Variants in PARD3B observed in about 807,000 individuals in gnomAD.
PARD3B encodes the protein partitioning defective 3 homolog B.
PARD3B carries 103 observed loss-of-function variants against 130.2 expected under a neutral mutation model. That is an observed-to-expected ratio of 0.79 (90% CI 0.67 to 0.93). The LOEUF (loss-of-function observed/expected upper bound fraction) is 0.93, where lower values mean the gene tolerates loss of function less well. Among genes scored for constraint, PARD3B ranks in the 40% least tolerant of loss-of-function variants. The pLI is 0.00. For missense variants in PARD3B, 1,609 were observed against 1,499.2 expected, an observed-to-expected ratio of 1.07 and a Z score of -1.21; for synonymous variants, 583 against 553.2, an observed-to-expected ratio of 1.05 and a Z score of -0.76.
Position 205,183,571 on chromosome 2 carries a change from C to G in PARD3B, c.1925-2193C>G. ...GGCGCTGCCTTTGTGCTTCTTTCCC[C>G]CTGGTCACCTACTTAGCAGGTCTGC... is the stretch of plus-strand genomic sequence containing the variant. On this transcript the variant is annotated intron_variant, in intron 13 of 22. Coordinates refer to ENST00000406610, the MANE Select transcript of PARD3B (RefSeq NM_001302769.2). The surrounding 1 kb of genome is among the most constrained non-coding windows in gnomAD (Gnocchi z 5.2). Among the ~76,000 whole-genome samples the G allele has an allele frequency of 6.6e-6, 1 of 152,126 alleles. No homozygotes were observed. Among genetic ancestry groups the G allele is most frequent in the South Asian group, 2.1e-4 (1 of 4,832 alleles).
intron 2 of PARD3B, among the ~76,000 whole-genome samples, chr2:204,868,108 GGTGAAGGGTCTAT>G (rs2045495558): frequency 6.6e-6 from 1 of 152,134 alleles, no homozygotes; most frequent in East Asian, 1.9e-4. Context: ...CTTCTGGGGT[GGTGAAGGGTCTAT>G]GTGAATGACT....
chr2:205,117,549 G>A (rs1053232239), intron 6 of PARD3B, among the ~76,000 whole-genome samples: 2 of 152,226 alleles, frequency 1.3e-5, no homozygotes, highest in Non-Finnish European at 2.9e-5. Context: ...TTGCATTGTA[G>A]ATTCCCCTTT....
chr2:205,059,942 A>G (rs1699967766), intron 4 of PARD3B, among the ~76,000 whole-genome samples: 1 of 152,090 alleles, frequency 6.6e-6, no homozygotes, highest in African/African-American at 2.4e-5. Context: ...ATATTATTTC[A>G]TCCCATGAAC....
chr2:205,466,816 G>A (rs551187057), intron 20 of PARD3B, among the ~76,000 whole-genome samples: 3 of 152,144 alleles, frequency 2.0e-5, no homozygotes, highest in Non-Finnish European at 2.9e-5. Flanking sequence ...AGGTTCAAGC[G>A]ATTCTTCTGC....
intron 4 of PARD3B, among the ~76,000 whole-genome samples, chr2:205,081,758 G>A (rs894749085): frequency 2.0e-5 from 3 of 152,002 alleles, no homozygotes; most frequent in African/African-American, 7.2e-5. Context: ...ATTATCTTTT[G>A]TATATATTGC....
intron 2 of PARD3B, among the ~76,000 whole-genome samples, chr2:204,791,940 G>A (rs1437253325): frequency 6.6e-6 from 1 of 152,172 alleles, no homozygotes; most frequent in Non-Finnish European, 1.5e-5. Flanking sequence ...ATGTGGATGT[G>A]TTTAAAAGTT....
intron 2 of PARD3B, among the ~76,000 whole-genome samples, chr2:204,710,232 T>C (rs984974440): frequency 2.6e-5 from 4 of 152,158 alleles, no homozygotes; most frequent in Admixed American, 2.6e-4. Flanking sequence ...TAATTCAAGC[T>C]CTTGCAGGTC....
intron 2 of PARD3B, among the ~76,000 whole-genome samples, chr2:204,961,962 A>C (rs1690783336): frequency 6.6e-6 from 1 of 152,108 alleles, no homozygotes; most frequent in Non-Finnish European, 1.5e-5. Flanking sequence ...AGCACTTTCA[A>C]ATTTTTGCTT....
At chr2:205,036,242 T>A (rs990145515) in intron 3 of PARD3B, among the ~76,000 whole-genome samples, 3 of 145,014 alleles carry the variant, frequency 2.1e-5, no homozygotes, top group African/African-American at 5.0e-5. Flanking sequence ...GCTATATATA[T>A]AAATATATGT....
chr2:205,178,157 A>C (rs892924918), intron 13 of PARD3B, among the ~76,000 whole-genome samples: 1 of 146,942 alleles, frequency 6.8e-6, no homozygotes, highest in Non-Finnish European at 1.5e-5. Flanking sequence ...AAAAAAAAAA[A>C]AAAAAAAAAA....
chr2:205,613,375 C>T (rs1292711223), intron 22 of PARD3B, among the ~76,000 whole-genome samples: 1 of 152,148 alleles, frequency 6.6e-6, no homozygotes, highest in Non-Finnish European at 1.5e-5. Context: ...ATATCTCCAA[C>T]ATGAACCAAA....
chr2:204,685,386 A>G lies in PARD3B; in HGVS notation c.121-795A>G, dbSNP rs143437097. 1.3e-3 allele frequency among the ~76,000 whole-genome samples: 200 copies of G among 152,292 alleles called. 1 individual carries two copies. Among genetic ancestry groups the G allele is most frequent in the African/African-American group, 4.4e-3 (185 of 41,574 alleles). ...ATTCATTGGTTCATGTTCTTGTCCC[A>G]TCGCTATAATGGTTCACTTTCATAG... On this transcript the variant is annotated intron_variant, in intron 1 of 22. Transcript: ENST00000406610.
intron 14 of PARD3B, among the ~76,000 whole-genome samples, chr2:205,188,912 A>T (rs1183274596): frequency 6.6e-6 from 1 of 152,178 alleles, no homozygotes; most frequent in African/African-American, 2.4e-5. Context: ...ATCAAACTTA[A>T]TGCCTGTACA....
At chr2:205,489,551 T>TATATATATACATATATATAC (rs1553524265) in intron 20 of PARD3B, among the ~76,000 whole-genome samples, 6 of 138,494 alleles carry the variant, frequency 4.3e-5, no homozygotes, top group African/African-American at 1.6e-4. Context: ...TATATATGTA[T>TATATATATACATATATATAC]ATATATACAT....
In PARD3B at chr2:204,887,522, G is replaced by A. The variant is rs2046305769; in HGVS notation, c.223-77630G>A. On this transcript the variant is annotated intron_variant, in intron 2 of 22. Transcript: ENST00000406610. This position sits in a 1 kb window ranked among gnomAD's most constrained non-coding sequence, Gnocchi z 4.2. ...CAAAACACTCAAATTATACCACGTT[G>A]AAAACATGAAGAGGTGTTTTTATTT... Among the ~76,000 whole-genome samples the A allele has an allele frequency of 6.6e-6, 1 of 152,092 alleles. No homozygotes were observed.
At chr2:205,201,928 C>G (rs2037014956) in intron 15 of PARD3B, among the ~76,000 whole-genome samples, 1 of 152,116 alleles carries the variant, frequency 6.6e-6, no homozygotes, top group African/African-American at 2.4e-5. Flanking sequence ...GATTATAACA[C>G]TGTGTACATA....
intron 2 of PARD3B, among the ~76,000 whole-genome samples, chr2:204,810,655 G>A (rs1283051232): frequency 6.6e-6 from 1 of 152,008 alleles, no homozygotes; most frequent in African/African-American, 2.4e-5. Context: ...TCAGAGATAA[G>A]GCCTACTTGA....
intron 20 of PARD3B, among the ~76,000 whole-genome samples, chr2:205,441,164 C>A (rs1309095383): frequency 6.6e-6 from 1 of 151,970 alleles, no homozygotes; most frequent in Non-Finnish European, 1.5e-5. Flanking sequence ...GGAAAGGTGA[C>A]CCTGTATAGA....
At chr2:205,050,233 G>C (rs1699098869) in intron 4 of PARD3B, among the ~76,000 whole-genome samples, 1 of 150,020 alleles carries the variant, frequency 6.7e-6, no homozygotes, top group South Asian at 2.1e-4. Flanking sequence ...TAATTAATCT[G>C]ACTCAGCCAT....
Sources: gnomAD v4.1 joint callset for allele counts (sites outside exome capture counted in the v4.1 genomes callset) on GRCh38, gnomAD v4.1.1 for gene constraint, Gnocchi (gnomAD v3.1) non-coding constraint, MANE v1.5 for transcripts, NCBI Gene and HGNC (gene_info 2026-07-23, HGNC 2026-07-21) for gene names.